NCAM2: variants seen among roughly 807,000 people sequenced by gnomAD.
NCAM2 encodes the protein neural cell adhesion molecule 2.
A neutral mutation model predicts 98.1 loss-of-function variants in NCAM2; 30 were observed. That is an observed-to-expected ratio of 0.31 (90% CI 0.23 to 0.41). The LOEUF is 0.41. Ranked by LOEUF, NCAM2 falls within the 10% of genes least tolerant of loss-of-function variation. NCAM2 has a pLI of 1.00. For synonymous variants in NCAM2, 368 were observed against 342.4 expected (o/e 1.07, Z -0.83); for missense variants, 867 against 1,005.8 (o/e 0.86, Z 1.87).
chr21:21,465,420 A>G (rs1983551914), intron 12 of NCAM2, among the ~76,000 whole-genome samples: 1 of 152,008 alleles, frequency 6.6e-6, no homozygotes, highest in Admixed American at 6.6e-5. Context: ...ATCTCTATAG[A>G]AAACAAACAA....
intron 16 of NCAM2, among the ~76,000 whole-genome samples, chr21:21,516,611 T>G (rs1988727255): frequency 6.6e-6 from 1 of 152,110 alleles, no homozygotes; most frequent in Non-Finnish European, 1.5e-5. Flanking sequence ...TCTCTTCTCT[T>G]TTTTCGAATC....
intron 1 of NCAM2, among the ~76,000 whole-genome samples, chr21:21,010,834 C>G (rs981163310): frequency 5.3e-5 from 8 of 152,084 alleles, no homozygotes; most frequent in African/African-American, 1.9e-4. Flanking sequence ...GAAACACATT[C>G]TAACCTCCCA....
intron 1 of NCAM2, among the ~76,000 whole-genome samples, chr21:21,236,891 G>C (rs1030240481): frequency 3.3e-5 from 5 of 152,108 alleles, no homozygotes; most frequent in Non-Finnish European, 7.4e-5. Flanking sequence ...CTTCGGCAGA[G>C]TTGGACGTTT....
intron 1 of NCAM2, among the ~76,000 whole-genome samples, chr21:21,267,699 CTA>C (rs2072338688): frequency 6.6e-6 from 1 of 152,130 alleles, no homozygotes; most frequent in South Asian, 2.1e-4. Context: ...GCGAGCTCCT[CTA>C]GAGTTAAGAG....
rs561844089 is a variant in NCAM2 at position 21,131,314 on chromosome 21, C to T, written c.55+132696C>T. On this transcript the variant is annotated intron_variant, in intron 1 of 17. Transcript: ENST00000400546. ...CTTTAATTTTTTTCAGCTCTTGGTG[C>T]CCAGGCTGAAGTCCAATGGCATGAT... is the stretch of plus-strand genomic sequence containing the variant. 1.1e-4 allele frequency among the ~76,000 whole-genome samples: 16 copies of T among 151,598 alleles called. 1 individual carries two copies. Among genetic ancestry groups the T allele is most frequent in the African/African-American group, 3.9e-4 (16 of 41,224 alleles).
intron 5 of NCAM2, among the ~76,000 whole-genome samples, chr21:21,309,351 A>G (rs2073976714): frequency 6.6e-6 from 1 of 152,098 alleles, no homozygotes; most frequent in South Asian, 2.1e-4. Flanking sequence ...AAACAGTTTA[A>G]TCCTTCAGTC....
At chr21:21,121,057 T>A (rs1256780398) in intron 1 of NCAM2, among the ~76,000 whole-genome samples, 4 of 152,184 alleles carry the variant, frequency 2.6e-5, no homozygotes, top group Non-Finnish European at 4.4e-5. Flanking sequence ...TTACTGAGTT[T>A]ATATTGTTCT....
intron 1 of NCAM2, among the ~76,000 whole-genome samples, chr21:21,139,792 A>ATTTC (rs10672434): frequency 6.6e-6 from 1 of 151,774 alleles, no homozygotes; most frequent in Non-Finnish European, 1.5e-5. Flanking sequence ...ATGTATGAAT[A>ATTTC]GTTCTATGTG....
At chr21:21,145,142 C>T (rs560662148) in intron 1 of NCAM2, among the ~76,000 whole-genome samples, 1 of 152,094 alleles carries the variant, frequency 6.6e-6, no homozygotes, top group African/African-American at 2.4e-5. Context: ...TTCATGGTTT[C>T]TTACCATTTA....
At chr21:21,380,078 T>G (rs2076119373) in intron 9 of NCAM2, among the ~76,000 whole-genome samples, 1 of 152,086 alleles carries the variant, frequency 6.6e-6, no homozygotes, top group South Asian at 2.1e-4. Context: ...CCACCCAGAT[T>G]AAGGGTGGGT....
At chr21:21,080,421 A>C (rs2065768597) in intron 1 of NCAM2, among the ~76,000 whole-genome samples, 1 of 151,998 alleles carries the variant, frequency 6.6e-6, no homozygotes, top group Non-Finnish European at 1.5e-5. Flanking sequence ...GTTCAGGACC[A>C]GCCTGACCAA....
In NCAM2 at chr21:21,272,934, T is replaced by TCACA. The variant is rs61235726; in HGVS notation, c.56-7618_56-7615dup. Among the ~76,000 whole-genome samples the TCACA allele has an allele frequency of 4.9e-3, 610 of 124,862 alleles. 8 individuals carry two copies. The highest frequency in any genetic ancestry group is 0.017 in the African/African-American group (540 of 31,972). 81.9% of individuals were successfully genotyped at this position (124,862 alleles called of 152,430 possible). A position where few individuals can be genotyped will look rare whatever the true frequency, so the allele number is the denominator to read the frequency against. The stretch of plus-strand genomic sequence containing the variant: ...CCAAAATGATAATAGGGACATGCAT[T>TCACA]CACACACACACACACACACACACAC... On this transcript the variant is annotated intron_variant, in intron 1 of 17. Transcript: ENST00000400546.
At chr21:21,466,762 A>G (rs1401411040) in intron 13 of NCAM2, 37 bp downstream of exon 13, 2 of 1,566,662 alleles carry the variant, frequency 1.3e-6, no homozygotes, top group Non-Finnish European at 1.7e-6. Context: ...CTCTTTTGTC[A>G]TTTTCTTCAC....
chr21:21,417,097 G>A (rs1377857302), intron 10 of NCAM2, among the ~76,000 whole-genome samples: 1 of 152,020 alleles, frequency 6.6e-6, no homozygotes, highest in African/African-American at 2.4e-5. Context: ...TTAATCTTAA[G>A]GAGCTGTGTA....
intron 8 of NCAM2, among the ~76,000 whole-genome samples, chr21:21,362,542 G>T (rs1285924793): frequency 6.6e-6 from 1 of 151,972 alleles, no homozygotes; most frequent in East Asian, 1.9e-4. Context: ...ACAGGCACAT[G>T]CCACCATGCC....
intron 16 of NCAM2, among the ~76,000 whole-genome samples, chr21:21,526,838 A>G (rs944324651): frequency 2.6e-5 from 4 of 152,164 alleles, no homozygotes; most frequent in African/African-American, 9.7e-5. Flanking sequence ...ACTCAAGTAA[A>G]CTGACATGTC....
intron 1 of NCAM2, among the ~76,000 whole-genome samples, chr21:21,036,698 T>G (rs1316714085): frequency 6.6e-6 from 1 of 152,100 alleles, no homozygotes; most frequent in Non-Finnish European, 1.5e-5. Flanking sequence ...TGGGACCAAG[T>G]TTCCCTGGAG....
chr21:21,052,189 G>T (rs866174657), intron 1 of NCAM2, among the ~76,000 whole-genome samples: 19 of 113,862 alleles, frequency 1.7e-4, no homozygotes, highest in African/African-American at 6.2e-4. Context: ...ACGGAGTCTC[G>T]CTCTGTCGCC....
intron 5 of NCAM2, among the ~76,000 whole-genome samples, chr21:21,299,418 TA>T (rs2073625159): frequency 6.6e-6 from 1 of 151,808 alleles, no homozygotes; most frequent in Non-Finnish European, 1.5e-5. Flanking sequence ...TCACGTTACA[TA>T]AAAATGAAAT....
Sources: allele counts gnomAD v4.1 joint callset (sites outside exome capture counted in the v4.1 genomes callset), GRCh38; gene constraint gnomAD v4.1.1; transcripts MANE v1.5; gene names NCBI Gene and HGNC (gene_info 2026-07-23, HGNC 2026-07-21).